Variants in MSI2 observed in about 807,000 individuals in gnomAD.
MSI2 encodes the protein RNA-binding protein Musashi homolog 2.
MSI2 carries 17 observed loss-of-function variants against 45.6 expected under a neutral mutation model. The observed-to-expected ratio is 0.37, with a 90% CI of 0.26 to 0.56. The LOEUF is 0.56. Among genes scored for constraint, MSI2 ranks in the 20% least tolerant of loss-of-function variants. The pLI is 0.77. For missense variants in MSI2, 293 were observed against 444.2 expected (o/e 0.66, Z 3.06); for synonymous variants, 156 against 158.2 (o/e 0.99, Z 0.11).
At chr17:57,302,968 G>A (rs1911541089) in intron 5 of MSI2, among the ~76,000 whole-genome samples, 1 of 152,170 alleles carries the variant, frequency 6.6e-6, no homozygotes, top group Admixed American at 6.5e-5. Context: ...GAGGAGGAGA[G>A]AGGGAGAAAC....
intron 13 of MSI2, among the ~76,000 whole-genome samples, chr17:57,678,733 T>C (rs1333554397): frequency 1.3e-5 from 2 of 152,212 alleles, no homozygotes; most frequent in East Asian, 3.9e-4. Context: ...CATCTAAGTC[T>C]AGGACTCAAT....
At chr17:57,343,570 A>G (rs1312199949) in intron 5 of MSI2, among the ~76,000 whole-genome samples, 1 of 152,034 alleles carries the variant, frequency 6.6e-6, no homozygotes, top group Non-Finnish European at 1.5e-5. Context: ...TCCCTTACCA[A>G]CTTCAGTCCA....
At chr17:57,641,299 G>A (rs946644582) in intron 10 of MSI2, among the ~76,000 whole-genome samples, 3 of 152,144 alleles carry the variant, frequency 2.0e-5, no homozygotes, top group Non-Finnish European at 4.4e-5. Context: ...AAGTCGGAGC[G>A]CTCAAGACTT....
chr17:57,258,155 G>A (rs1598035148), intron 3 of MSI2, 115 bp from the exon 4 acceptor site: 1 of 779,758 alleles, frequency 1.3e-6, no homozygotes. Context: ...AGTGGGAGGT[G>A]GGGGTGCGTG....
At chr17:57,648,246 G>A (rs537440080) in intron 10 of MSI2, among the ~76,000 whole-genome samples, 5 of 149,004 alleles carry the variant, frequency 3.4e-5, no homozygotes, top group African/African-American at 7.4e-5. Context: ...TCAAGTTATC[G>A]GCCCACCTTG....
rs769963651 is a variant in MSI2, at chr17:57,258,293, C to T, written c.209C>T (p.Ala70Val). Residue 70 changes from alanine (A) to valine (V), a missense_variant, in exon 4 of 14, where the codon GCA (alanine) becomes GTA (valine). Ala to Val is a moderately conservative substitution (Grantham distance 64, BLOSUM62 0). Coordinates refer to ENST00000284073, the MANE Select transcript of MSI2 (RefSeq NM_138962.4). ...AGAGGCTTCGGTTTCGTCACGTTCG[C>T]AGACCCAGCAAGTGTAGATAAAGTA... ...RSRGFGFVTF[A>V]DPASVDKVLG... 6.2e-7 allele frequency: 1 copy of T among 1,614,182 alleles called. No individual in the cohort carries two copies. Among genetic ancestry groups the T allele is most frequent in the East Asian group, 2.2e-5 (1 of 44,894 alleles).
intron 5 of MSI2, among the ~76,000 whole-genome samples, chr17:57,367,599 C>G (rs1013495241): frequency 6.6e-6 from 1 of 152,124 alleles, no homozygotes; most frequent in Admixed American, 6.5e-5. Context: ...AACAGCAGAC[C>G]GAGCTCCTGG....
In MSI2 at chr17:57,529,452, A is replaced by G. The variant is rs1473266297; in HGVS notation, c.406-224A>G. ...CCCTGTCTCAAAAAATAAAAAGCAG[A>G]CACTAAAGGGAACTATATAAAATGT... On this transcript the variant is annotated intron_variant, in intron 6 of 13. Transcript: ENST00000284073. This position sits in a 1 kb window ranked among gnomAD's most constrained non-coding sequence, Gnocchi z 5.3. Among the ~76,000 whole-genome samples the G allele has an allele frequency of 6.6e-6, 1 of 152,062 alleles. No individual in the cohort carries two copies. Among genetic ancestry groups the G allele is most frequent in the East Asian group, 1.9e-4 (1 of 5,188 alleles).
At chr17:57,524,017 C>A (rs1245512134) in intron 6 of MSI2, among the ~76,000 whole-genome samples, 1 of 152,192 alleles carries the variant, frequency 6.6e-6, no homozygotes. Context: ...TCTGCTGATC[C>A]TGGCTGGCCT....
intron 5 of MSI2, among the ~76,000 whole-genome samples, chr17:57,389,455 C>G (rs1019833888): frequency 6.6e-6 from 1 of 152,272 alleles, no homozygotes; most frequent in East Asian, 1.9e-4. Context: ...GGCCCTTCTC[C>G]CCTTTCTTCC....
At chr17:57,613,314 C>T (rs1312586451) in intron 8 of MSI2, among the ~76,000 whole-genome samples, 1 of 152,036 alleles carries the variant, frequency 6.6e-6, no homozygotes, top group Non-Finnish European at 1.5e-5. Context: ...TGCTGTTTTC[C>T]CGCTTGCAGT....
intron 6 of MSI2, among the ~76,000 whole-genome samples, chr17:57,507,293 C>G (rs973339584): frequency 6.8e-6 from 1 of 147,180 alleles, no homozygotes; most frequent in African/African-American, 2.5e-5. Context: ...CCCCCACCCC[C>G]GACAATGACT....
chr17:57,472,573 C>A (rs1946359753), intron 6 of MSI2, among the ~76,000 whole-genome samples: 1 of 152,220 alleles, frequency 6.6e-6, no homozygotes, highest in South Asian at 2.1e-4. Context: ...GGCTCGAATC[C>A]TAGCTCTGCT....
chr17:57,418,444 C>T (rs2084335735), intron 6 of MSI2, among the ~76,000 whole-genome samples: 1 of 152,194 alleles, frequency 6.6e-6, no homozygotes, highest in Admixed American at 6.5e-5. Flanking sequence ...GAGTAAGTAG[C>T]TGCAAATAAT....
chr17:57,447,801 T>C (rs1450950199), intron 6 of MSI2, among the ~76,000 whole-genome samples: 1 of 152,180 alleles, frequency 6.6e-6, no homozygotes, highest in African/African-American at 2.4e-5. Context: ...TCCTCTTATC[T>C]TTCCCCAGCC....
chr17:57,604,530 A>T (rs1906307531), intron 8 of MSI2, among the ~76,000 whole-genome samples: 1 of 152,126 alleles, frequency 6.6e-6, no homozygotes, highest in African/African-American at 2.4e-5. Flanking sequence ...CTCCCAAAGC[A>T]GGAGGAACCA....
chr17:57,549,342 G>C (rs2087251286), intron 7 of MSI2, among the ~76,000 whole-genome samples: 1 of 139,358 alleles, frequency 7.2e-6, no homozygotes, highest in South Asian at 2.2e-4. Context: ...GCAACAAATG[G>C]GTTTAGTTGC....
chr17:57,690,527 G>C, the MSI2 span, among the ~76,000 whole-genome samples: 1 of 152,128 alleles, frequency 6.6e-6, no homozygotes, highest in Non-Finnish European at 1.5e-5. Context: ...GCTGAGGTGG[G>C]AGGATAACTT....
intron 10 of MSI2, among the ~76,000 whole-genome samples, chr17:57,650,823 G>T (rs1401899278): frequency 1.1e-4 from 17 of 152,098 alleles, no homozygotes; most frequent in Non-Finnish European, 2.5e-4. Context: ...GCTCTGTTTG[G>T]GGGAGCTTTG....
Sources: gnomAD v4.1 joint callset for allele counts (sites outside exome capture counted in the v4.1 genomes callset) on GRCh38, gnomAD v4.1.1 for gene constraint, Gnocchi (gnomAD v3.1) non-coding constraint, MANE v1.5 for transcripts, NCBI Gene and HGNC (gene_info 2026-07-23, HGNC 2026-07-21) for gene names.